SYT14: variants seen among roughly 807,000 people sequenced by gnomAD.
The protein encoded by SYT14 is synaptotagmin 14, also known as synaptotagmin-14.
SYT14 carries 32 observed loss-of-function variants against 74.2 expected under a neutral mutation model. That is an observed-to-expected ratio of 0.43 (90% CI 0.33 to 0.58). The LOEUF is 0.58. Ranked by LOEUF, SYT14 falls within the 20% of genes least tolerant of loss-of-function variation. The probability of loss-of-function intolerance (pLI) is 0.05; values close to 1 mark genes in which losing one functional copy is unlikely to be tolerated. For synonymous variants in SYT14, 298 were observed against 337.7 expected (o/e 0.88, Z 1.29); for missense variants, 791 against 981.8 (o/e 0.81, Z 2.60).
rs76513889 is a variant in SYT14, at chr1:210,082,301, A to G, written c.1313-12021A>G. On this transcript the variant is annotated intron_variant, in intron 5 of 9. Coordinates refer to ENST00000637265, the Ensembl canonical transcript of SYT14. ...CCAAGTCCATACATCGAGCCAAACC[A>G]TTGGCAGCTAGGAAATAATGGAGAC... is the stretch of plus-strand genomic sequence containing the variant. Among the ~76,000 whole-genome samples the G allele has an allele frequency of 9.2e-3, 1,399 of 152,252 alleles. 23 individuals are homozygous for G. The highest frequency in any genetic ancestry group is 0.032 in the African/African-American group (1,348 of 41,540).
intron 5 of SYT14, among the ~76,000 whole-genome samples, chr1:210,086,660 C>T (rs1200257050): frequency 1.3e-5 from 2 of 152,184 alleles, no homozygotes; most frequent in African/African-American, 4.8e-5. Flanking sequence ...GACCCAGGCG[C>T]TCAGTGGACT....
intron 2 of SYT14, among the ~76,000 whole-genome samples, chr1:210,005,732 A>C (rs1233917065): frequency 6.6e-6 from 1 of 151,964 alleles, no homozygotes; most frequent in African/African-American, 2.4e-5. Context: ...GTCCTTGAAG[A>C]AAAGTCTCTG....
intron 2 of SYT14, among the ~76,000 whole-genome samples, chr1:210,003,807 C>T (rs1414181271): frequency 6.6e-6 from 1 of 152,118 alleles, no homozygotes; most frequent in Non-Finnish European, 1.5e-5. Context: ...TTTTAAAATG[C>T]ATTAAATATT....
intron 7 of SYT14, among the ~76,000 whole-genome samples, chr1:210,124,564 CAT>C (rs1287415113): frequency 6.6e-6 from 1 of 152,116 alleles, no homozygotes; most frequent in Non-Finnish European, 1.5e-5. Context: ...CCCCTGATGA[CAT>C]AAAAATTAGA....
At chr1:210,163,497 A>G (rs1322405630) in exon 10 of SYT14, 8 of 453,628 alleles carry the variant, frequency 1.8e-5, no homozygotes, top group Admixed American at 9.4e-5. Context: ...ATAAATATGT[A>G]TATGTATATT....
At position 210,038,979 on chromosome 1, in the gene SYT14, A is replaced by G. The variant is rs1015536557; in HGVS notation, c.1312+17725A>G. On this transcript the variant is annotated intron_variant, in intron 5 of 9. Coordinates refer to ENST00000637265, the Ensembl canonical transcript of SYT14. The stretch of plus-strand genomic sequence containing the variant: ...TAGCAAGACTAGTGAAGTTTTCCTC[A>G]ATTTTATCCTCAAATAGATTTTCCA... 2.0e-5 allele frequency among the ~76,000 whole-genome samples: 3 copies of G among 152,090 alleles called. No homozygotes were observed. In the East Asian group the frequency reaches 5.8e-4, roughly 29 times the overall value.
chr1:210,139,151 A>G (rs1556606), intron 7 of SYT14, among the ~76,000 whole-genome samples: 19,833 of 150,334 alleles, frequency 0.13, 1,642 homozygotes, highest in East Asian at 0.21. Context: ...CGGTGGTGTA[A>G]TCTCAGTTCA....
At chr1:210,137,288 A>T (rs75543958) in intron 7 of SYT14, among the ~76,000 whole-genome samples, 1 of 152,084 alleles carries the variant, frequency 6.6e-6, no homozygotes. Context: ...CTTGATGGGC[A>T]GTTACCATAC....
At chr1:210,015,002 CAG>C (rs10574176) in intron 3 of SYT14, among the ~76,000 whole-genome samples, 51,675 of 148,836 alleles carry the variant, frequency 0.35, 9,760 homozygotes, top group Non-Finnish European at 0.42. Flanking sequence ...CAATTTAAAA[CAG>C]AAAATTTAAA....
At chr1:210,071,494 G>A (rs919935324) in intron 5 of SYT14, among the ~76,000 whole-genome samples, 3 of 151,842 alleles carry the variant, frequency 2.0e-5, no homozygotes, top group Non-Finnish European at 4.4e-5. Context: ...TTATTTATGT[G>A]GGTACATGTG....
chr1:210,002,331 A>G (rs557116662), intron 2 of SYT14, among the ~76,000 whole-genome samples: 15 of 151,988 alleles, frequency 9.9e-5, no homozygotes, highest in Admixed American at 2.0e-4. Flanking sequence ...TTTAAGTTTT[A>G]CCACCTAAGT....
intron 2 of SYT14, among the ~76,000 whole-genome samples, chr1:209,977,677 A>T (rs1269725321): frequency 6.6e-6 from 1 of 152,176 alleles, no homozygotes; most frequent in African/African-American, 2.4e-5. Context: ...TCTGACAATT[A>T]TGAGTCTTGG....
chr1:210,160,348 G>A (rs547347417), intron 9 of SYT14, among the ~76,000 whole-genome samples: 1 of 150,230 alleles, frequency 6.7e-6, no homozygotes, highest in African/African-American at 2.4e-5. Context: ...AGCTTGCTAA[G>A]TGTTTATTAA....
At chr1:209,956,562 C>T (rs1558091513) in intron 2 of SYT14, among the ~76,000 whole-genome samples, 1 of 152,104 alleles carries the variant, frequency 6.6e-6, no homozygotes, top group Non-Finnish European at 1.5e-5. Context: ...ATTACCATGT[C>T]AATAATTCAG....
At chr1:210,077,383 A>G (rs1422676744) in intron 5 of SYT14, among the ~76,000 whole-genome samples, 1 of 152,196 alleles carries the variant, frequency 6.6e-6, no homozygotes, top group Non-Finnish European at 1.5e-5. Context: ...AACATTGGGG[A>G]TTATATCTCA....
intron 7 of SYT14, among the ~76,000 whole-genome samples, chr1:210,117,924 C>T (rs1572333434): frequency 6.6e-6 from 1 of 152,270 alleles, no homozygotes; most frequent in East Asian, 1.9e-4. Flanking sequence ...AATTGGGATT[C>T]ATTTTGTTGA....
At chr1:210,052,494 C>T (rs1379122805) in intron 5 of SYT14, among the ~76,000 whole-genome samples, 2 of 151,790 alleles carry the variant, frequency 1.3e-5, no homozygotes, top group African/African-American at 4.8e-5. Context: ...GAAACCCCGT[C>T]TCTACTAAAA....
chr1:209,973,070 A>G (rs955037785), intron 2 of SYT14, among the ~76,000 whole-genome samples: 18 of 151,318 alleles, frequency 1.2e-4, no homozygotes, highest in Middle Eastern at 3.4e-3. Context: ...GTCTTGTTTA[A>G]TTGGACACTT....
chr1:210,009,976 T>G (rs2080056707), intron 2 of SYT14, among the ~76,000 whole-genome samples: 1 of 152,070 alleles, frequency 6.6e-6, no homozygotes, highest in Non-Finnish European at 1.5e-5. Flanking sequence ...ACTCTTCTTC[T>G]TTCTTATCCT....
Sources: allele counts gnomAD v4.1 joint callset (sites outside exome capture counted in the v4.1 genomes callset), GRCh38; gene constraint gnomAD v4.1.1; transcripts MANE v1.5; gene names NCBI Gene and HGNC (gene_info 2026-07-23, HGNC 2026-07-21).